Variants in TAS1R2 observed in about 807,000 individuals in gnomAD.
TAS1R2 encodes taste 1 receptor member 2.
TAS1R2 carries 47 observed loss-of-function variants against 49.3 expected under a neutral mutation model. The observed-to-expected ratio is 0.95, with a 90% confidence interval of 0.75 to 1.22. TAS1R2 has a LOEUF of 1.22. TAS1R2 is among the 50% of genes most tolerant of loss of function. The pLI is 0.00. For synonymous variants in TAS1R2, 479 were observed against 467.9 expected (o/e 1.02, Z -0.31); for missense variants, 1,155 against 1,122.1 (o/e 1.03, Z -0.42).
At chr1:18,856,768 G>A (rs781302620) in intron 2 of TAS1R2, among the ~76,000 whole-genome samples, 1 of 152,074 alleles carries the variant, frequency 6.6e-6, no homozygotes, top group Non-Finnish European at 1.5e-5. Flanking sequence ...TGAATATATA[G>A]CCTGTACCAG....
intron 5 of TAS1R2, among the ~76,000 whole-genome samples, chr1:18,841,298 A>G (rs1364041339): frequency 2.0e-5 from 3 of 152,224 alleles, no homozygotes; most frequent in Non-Finnish European, 4.4e-5. Context: ...CTATGCTTTG[A>G]GCTACGCTAG....
chr1:18,851,339 T>C (rs1249511401), intron 3 of TAS1R2, among the ~76,000 whole-genome samples: 2 of 152,036 alleles, frequency 1.3e-5, no homozygotes, highest in African/African-American at 4.8e-5. Context: ...TGTTTTGCTT[T>C]TTTTTTAAGA....
Position 18,854,396 on chromosome 1 carries a change from G to A in TAS1R2, c.1074C>T (p.Thr358=), listed in dbSNP as rs1042172260. Residue 358 remains threonine, a synonymous_variant, in exon 3 of 6, where the codon ACC becomes ACT. Coordinates refer to ENST00000375371, the Ensembl canonical transcript of TAS1R2. The surrounding 1 kb of genome is among the most constrained non-coding windows in gnomAD (Gnocchi z 4.9). ...GGCAGTTGTCGCACTCCTGGTTGCA[G>A]GTATAGCTCTGGCTGGTCCTGCTGA... 1.2e-6 allele frequency: 2 copies of A among 1,613,876 alleles called. No individual in the cohort carries two copies. Among genetic ancestry groups the A allele is most frequent in the Non-Finnish European group, 1.7e-6 (2 of 1,179,954 alleles).
intron 3 of TAS1R2, among the ~76,000 whole-genome samples, chr1:18,852,823 C>G (rs1434903588): frequency 1.3e-5 from 2 of 152,238 alleles, no homozygotes; most frequent in Non-Finnish European, 2.9e-5. Flanking sequence ...TGATGATGCC[C>G]CTGCTCTGTG....
chr1:18,857,529 G>A, exon 2 of TAS1R2: 1 of 1,614,188 alleles, frequency 6.2e-7, no homozygotes, highest in Non-Finnish European at 8.5e-7. Context: ...CGATCTCATA[G>A]CCCAGCAGCA....
intron 4 of TAS1R2, among the ~76,000 whole-genome samples, chr1:18,848,850 T>C (rs1933969005): frequency 6.6e-6 from 1 of 152,210 alleles, no homozygotes; most frequent in African/African-American, 2.4e-5. Context: ...CTTCCATTAA[T>C]ATTACATTAG....
rs140914630 is a variant in TAS1R2 at position 18,853,956 on chromosome 1, AG to A, written c.1257+256del. Among the ~76,000 whole-genome samples, 1,281 of 152,228 alleles carry A rather than the reference AG, an allele frequency of 8.4e-3. 15 individuals carry two copies. Among genetic ancestry groups the A allele is most frequent in the African/African-American group, 0.025 (1,050 of 41,528 alleles). On this transcript the variant is annotated intron_variant, in intron 3 of 5. Coordinates refer to ENST00000375371, the Ensembl canonical transcript of TAS1R2. ...CTCTCAACCTTGGAGAGACTGGGGG[AG>A]GGGGGCGCTGCCGTTCCCACTGCCT...
At chr1:18,857,980 C>T (rs1439792499) in intron 1 of TAS1R2, among the ~76,000 whole-genome samples, 4 of 151,758 alleles carry the variant, frequency 2.6e-5, no homozygotes, top group Non-Finnish European at 5.9e-5. Context: ...ACCCACTACC[C>T]ATATTACCAA....
At chr1:18,840,149 C>A in exon 6 of TAS1R2, 1 of 1,614,218 alleles carries the variant, frequency 6.2e-7, no homozygotes, top group Non-Finnish European at 8.5e-7. Context: ...CTTGAAGGCG[C>A]AGACGATCTG....
intron 4 of TAS1R2, among the ~76,000 whole-genome samples, chr1:18,846,036 A>C (rs1381262349): frequency 1.3e-5 from 2 of 152,160 alleles, no homozygotes; most frequent in Non-Finnish European, 2.9e-5. Context: ...AAGGAAAGCC[A>C]CTGAGTGGAA....
intron 2 of TAS1R2, 37 bp downstream of exon 2, chr1:18,857,294 C>T (rs760905037): frequency 1.3e-6 from 2 of 1,594,438 alleles, no homozygotes; most frequent in Admixed American, 3.4e-5. Flanking sequence ...CCTCTGCCCC[C>T]CTCCCCAGGT....
chr1:18,840,410 G>A (rs374837232), exon 6 of TAS1R2: 3 of 1,614,050 alleles, frequency 1.9e-6, no homozygotes, highest in East Asian at 2.2e-5. Context: ...GGCCAGCAGG[G>A]CCACAGCGAT....
Position 18,839,773 on chromosome 1 carries a change from G to A in TAS1R2, c.2346C>T (p.Ala782=). 5 of 1,614,240 alleles carry A rather than the reference G, an allele frequency of 3.1e-6. No individual in the cohort carries two copies. The Middle Eastern group carries it at 6.6e-4, about 213-fold the overall frequency. The change falls in exon 6 of 6, where the codon GCC becomes GCT. Residue 782 remains alanine (A), a synonymous_variant. Transcript: ENST00000375371. ...CGATGGTGACCAGCACCCCGCTGTA[G>A]GCAGACATGAAGGTGCAGAGGGAGA...
At chr1:18,849,494 G>A (rs146531311) in exon 4 of TAS1R2, 29 of 1,614,108 alleles carry the variant, frequency 1.8e-5, no homozygotes, top group East Asian at 1.1e-4. Context: ...CTTGCGGGTC[G>A]AAGAAGATTT....
At chr1:18,849,298 G>A (rs1933976998) in intron 4 of TAS1R2, 43 bp downstream of exon 4, 2 of 1,607,254 alleles carry the variant, frequency 1.2e-6, no homozygotes, top group Non-Finnish European at 1.7e-6. Flanking sequence ...AGGGCCCCAG[G>A]CCCCGCCCCA....
chr1:18,841,455 G>T (rs925970211), intron 5 of TAS1R2, among the ~76,000 whole-genome samples: 2 of 152,238 alleles, frequency 1.3e-5, no homozygotes, highest in East Asian at 3.9e-4. Flanking sequence ...GGCTATGTGT[G>T]TGTGGAGTGG....
intron 1 of TAS1R2, 67 bp downstream of exon 1, chr1:18,859,412 C>T (rs1180198488): frequency 6.3e-7 from 1 of 1,588,044 alleles, no homozygotes; most frequent in African/African-American, 1.3e-5. Context: ...CCCAAGGACC[C>T]ACAGGACCAG....
At chr1:18,846,069 C>T (rs548348096) in intron 4 of TAS1R2, among the ~76,000 whole-genome samples, 1 of 152,324 alleles carries the variant, frequency 6.6e-6, no homozygotes, top group South Asian at 2.1e-4. Flanking sequence ...CTCTCTGTGG[C>T]CTGCCTCATA....
exon 4 of TAS1R2, chr1:18,849,396 A>T: frequency 6.2e-7 from 1 of 1,614,182 alleles, no homozygotes; most frequent in Non-Finnish European, 8.5e-7. Context: ...CTGTCGCTGC[A>T]GGGGGTAGTA....
Sources: allele counts gnomAD v4.1 joint callset (sites outside exome capture counted in the v4.1 genomes callset), GRCh38; gene constraint gnomAD v4.1.1; non-coding constraint Gnocchi (gnomAD v3.1); transcripts MANE v1.5; gene names NCBI Gene and HGNC (gene_info 2026-07-23, HGNC 2026-07-21).